The following IL1RAPL1 variants were observed in gnomAD, a reference collection of about 807,000 sequenced individuals.
IL1RAPL1 encodes the protein interleukin-1 receptor accessory protein-like 1.
A neutral mutation model predicts 48.4 loss-of-function variants in IL1RAPL1; 3 were observed. The observed-to-expected ratio is 0.06, with a 90% CI of 0.03 to 0.16. IL1RAPL1 has a LOEUF of 0.16. IL1RAPL1 is among the 10% of genes least tolerant of loss of function. The pLI, the probability that IL1RAPL1 is intolerant of heterozygous loss-of-function variation, is 1.00. For synonymous variants in IL1RAPL1, 185 were observed against 187.7 expected, an observed-to-expected ratio of 0.99 and a Z score of 0.12; for missense variants, 349 against 530.6, an observed-to-expected ratio of 0.66 and a Z score of 3.36.
intron 5 of IL1RAPL1, among the ~76,000 whole-genome samples, chrX:29,491,021 G>A (rs776406753): frequency 7.2e-5 from 8 of 111,375 alleles, no homozygotes; most frequent in African/African-American, 2.6e-4. Context: ...TGGGCAACAA[G>A]CATCATATAA....
intron 2 of IL1RAPL1, among the ~76,000 whole-genome samples, chrX:29,182,561 C>T (rs1930165313): frequency 9.9e-6 from 1 of 101,330 alleles, no homozygotes; most frequent in Non-Finnish European, 2.0e-5. Context: ...TTAAATTACA[C>T]GCTCATGTAC....
intron 2 of IL1RAPL1, among the ~76,000 whole-genome samples, chrX:29,033,422 A>G (rs1207945576): frequency 3.6e-5 from 4 of 111,488 alleles, no homozygotes; most frequent in Non-Finnish European, 5.6e-5. Flanking sequence ...TGGGACTTTA[A>G]GGGTGGTTGA....
At chrX:29,335,194 G>A (rs1297162394) in intron 3 of IL1RAPL1, among the ~76,000 whole-genome samples, 2 of 106,169 alleles carry the variant, frequency 1.9e-5, no homozygotes, top group African/African-American at 6.8e-5. Flanking sequence ...GGAGGTTGCA[G>A]TGAGCCGAGA....
At chrX:29,586,702 A>AT (rs372883500) in intron 5 of IL1RAPL1, among the ~76,000 whole-genome samples, 22 of 110,451 alleles carry the variant, frequency 2.0e-4, no homozygotes, top group Non-Finnish European at 3.0e-4. Flanking sequence ...TGCCTTGCTT[A>AT]TTTTTTTTAA....
intron 5 of IL1RAPL1, among the ~76,000 whole-genome samples, chrX:29,605,845 A>G (rs1366541744): frequency 8.9e-6 from 1 of 112,360 alleles, no homozygotes; most frequent in Non-Finnish European, 1.9e-5. Flanking sequence ...TTAGGCAGGC[A>G]GGATATTCTT....
chrX:28,711,257 A>C (rs775650701), intron 1 of IL1RAPL1, among the ~76,000 whole-genome samples: 1 of 111,676 alleles, frequency 9.0e-6, no homozygotes, highest in African/African-American at 3.2e-5. Flanking sequence ...ATGGGGAAAA[A>C]GGTTGAAAGG....
At chrX:28,693,457 T>C (rs895300507) in intron 1 of IL1RAPL1, among the ~76,000 whole-genome samples, 2 of 112,319 alleles carry the variant, frequency 1.8e-5, no homozygotes, top group Admixed American at 1.9e-4. Context: ...TCTGCAGATG[T>C]ACTGTCCATC....
chrX:29,255,702 C>T (rs1931745556), intron 2 of IL1RAPL1, among the ~76,000 whole-genome samples: 1 of 111,389 alleles, frequency 9.0e-6, no homozygotes, highest in East Asian at 2.8e-4. Context: ...TAAGTGAGAA[C>T]ATGTGGTAAT....
intron 6 of IL1RAPL1, among the ~76,000 whole-genome samples, chrX:29,898,845 G>T (rs1932441807): frequency 8.9e-6 from 1 of 112,044 alleles, no homozygotes; most frequent in Non-Finnish European, 1.9e-5. Context: ...CTGCCATGAA[G>T]ATTAAGAGTG....
At chrX:29,884,927 C>G (rs947118017) in intron 6 of IL1RAPL1, among the ~76,000 whole-genome samples, 4 of 111,949 alleles carry the variant, frequency 3.6e-5, no homozygotes, top group Non-Finnish European at 7.5e-5. Context: ...CAACTCTTAT[C>G]AACCTGGTAT....
rs144498780 is a variant in IL1RAPL1 at position 28,705,806 on chromosome X, G to A, written c.-24-83514G>A. ...AGGCCCAACATGGACCACTCTATGC[G>A]TATATGGCATGCTGTATATCAGAAT... On this transcript the variant is annotated intron_variant, in intron 1 of 10. Transcript: ENST00000378993. 7.0e-3 allele frequency among the ~76,000 whole-genome samples: 783 copies of A among 111,928 alleles called. 4 individuals are homozygous for A. Among genetic ancestry groups the A allele is most frequent in the African/African-American group, 0.02 (606 of 30,821 alleles).
intron 6 of IL1RAPL1, among the ~76,000 whole-genome samples, chrX:29,844,426 T>C (rs1450311902): frequency 9.0e-6 from 1 of 111,408 alleles, no homozygotes; most frequent in Non-Finnish European, 1.9e-5. Flanking sequence ...ATGTGATATG[T>C]TGAATAGTGG....
chrX:28,704,707 C>A (rs1157004883), intron 1 of IL1RAPL1, among the ~76,000 whole-genome samples: 4 of 104,593 alleles, frequency 3.8e-5, no homozygotes, highest in African/African-American at 1.4e-4. Flanking sequence ...TATTTGAGCC[C>A]AGACCTGAAT....
intron 6 of IL1RAPL1, among the ~76,000 whole-genome samples, chrX:29,858,957 G>A (rs1931527179): frequency 9.0e-6 from 1 of 110,673 alleles, no homozygotes; most frequent in Admixed American, 9.7e-5. Context: ...CTGCAGCATT[G>A]GGCACTGTGA....
At chrX:29,323,428 C>T (rs1465670822) in intron 3 of IL1RAPL1, among the ~76,000 whole-genome samples, 2 of 106,862 alleles carry the variant, frequency 1.9e-5, no homozygotes, top group African/African-American at 6.8e-5. Flanking sequence ...TGACACTGTT[C>T]ATTACTCTGT....
chrX:29,772,302 A>G lies in IL1RAPL1; in HGVS notation c.778+103798A>G, dbSNP rs903768217. 1.1e-4 allele frequency among the ~76,000 whole-genome samples: 12 copies of G among 110,549 alleles called. 1 individual carries two copies. The highest frequency in any genetic ancestry group is 1.9e-4 in the Non-Finnish European group (10 of 52,861). On this transcript the variant is annotated intron_variant, in intron 6 of 10. Coordinates refer to ENST00000378993, the MANE Select transcript of IL1RAPL1 (RefSeq NM_014271.4). ...GATTCATTCTCAATTTTATTATGTAAGTATTAGGATGAGATATTTATAGTA... is the reference window on the plus strand; with the variant it reads ...GATTCATTCTCAATTTTATTATGTAGGTATTAGGATGAGATATTTATAGTA...
intron 2 of IL1RAPL1, among the ~76,000 whole-genome samples, chrX:29,154,648 A>G (rs1214058796): frequency 6.3e-5 from 7 of 111,926 alleles, no homozygotes; most frequent in Non-Finnish European, 1.3e-4. Context: ...CAATATAAAA[A>G]ATAAACATTA....
chrX:28,884,911 A>G (rs1303003646), intron 2 of IL1RAPL1, among the ~76,000 whole-genome samples: 1 of 111,880 alleles, frequency 8.9e-6, no homozygotes, highest in African/African-American at 3.2e-5. Context: ...GTCAATTGGT[A>G]TATAGATTCC....
In IL1RAPL1 at chrX:28,815,837, A is replaced by ATGTATG. The variant is rs1555926459; in HGVS notation, c.82+26417_82+26418insGTGTAT. Reference sequence around the variant, plus strand: ...ATCTATTGTGTATGTATGTGTGTTTATGTATATATATATATATATATATAT... The same window carrying ATGTATG: ...ATCTATTGTGTATGTATGTGTGTTTATGTATGTGTATATATATATATATATATATAT... On this transcript the variant is annotated intron_variant, in intron 2 of 10. Transcript: ENST00000378993. Among the ~76,000 whole-genome samples the ATGTATG allele has an allele frequency of 2.6e-3, 108 of 41,538 alleles. 2 individuals are homozygous for ATGTATG. Among genetic ancestry groups the ATGTATG allele is most frequent in the African/African-American group, 0.012 (90 of 7,302 alleles). The allele number at this position is 41,538 out of a possible 115,157, so 36.1% of individuals were successfully genotyped here.
Sources: allele counts gnomAD v4.1 joint callset (sites outside exome capture counted in the v4.1 genomes callset), GRCh38; gene constraint gnomAD v4.1.1; transcripts MANE v1.5; gene names NCBI Gene and HGNC (gene_info 2026-07-23, HGNC 2026-07-21).